DYM: variants seen among roughly 807,000 people sequenced by gnomAD.
DYM encodes the protein dyggve-Melchior-Clausen syndrome protein.
Under a neutral mutation model 93.1 loss-of-function variants are expected in DYM, and 78 were observed. The ratio of observed to expected loss-of-function variants is 0.84; its 90% CI spans 0.70 to 1.01. The LOEUF is 1.01. Among genes scored for constraint, DYM ranks in the 50% least tolerant of loss-of-function variants. The pLI is 0.00. For synonymous variants in DYM, 321 were observed against 319.7 expected, an observed-to-expected ratio of 1.00 and a Z score of -0.04; for missense variants, 789 against 845.0, an observed-to-expected ratio of 0.93 and a Z score of 0.82.
chr18:49,141,498 T>C (rs1201014793), intron 15 of DYM, among the ~76,000 whole-genome samples: 1 of 152,200 alleles, frequency 6.6e-6, no homozygotes, highest in African/African-American at 2.4e-5. Context: ...CAAACTATAC[T>C]GGCCTGCTAA....
chr18:49,328,227 G>T (rs191276659), intron 8 of DYM, among the ~76,000 whole-genome samples: 1 of 152,184 alleles, frequency 6.6e-6, no homozygotes, highest in Non-Finnish European at 1.5e-5. Context: ...CCAACACAGG[G>T]AGAATGATGC....
At chr18:49,245,128 T>C (rs928968693) in intron 13 of DYM, among the ~76,000 whole-genome samples, 2 of 152,256 alleles carry the variant, frequency 1.3e-5, no homozygotes, top group African/African-American at 4.8e-5. Flanking sequence ...ACTTTTATAA[T>C]TTCTTATGCC....
intron 3 of DYM, among the ~76,000 whole-genome samples, chr18:49,390,329 C>G (rs891934461): frequency 6.6e-5 from 10 of 151,918 alleles, no homozygotes; most frequent in South Asian, 2.1e-4. Context: ...TCTGAGGAGG[C>G]TGAGGTGGAA....
rs530781129 is a variant in DYM, at chr18:49,080,670, C to T, written c.2025+16732G>A. On this transcript the variant is annotated intron_variant, in intron 17 of 17. Transcript: ENST00000675505. ...CCCCCCACCTCCCTCCCGGACGGGG[C>T]GGCTGCCGGGCAGAGACGCTCCTCA... is the stretch of plus-strand genomic sequence containing the variant. Among the ~76,000 whole-genome samples the T allele has an allele frequency of 4.1e-4, 58 of 140,128 alleles. No individual in the cohort carries two copies. In the East Asian group the frequency reaches 9.9e-3, roughly 24 times the overall value. 91.9% of individuals were successfully genotyped at this position (140,128 alleles called of 152,430 possible).
intron 15 of DYM, among the ~76,000 whole-genome samples, chr18:49,141,448 C>A (rs763696419): frequency 6.6e-6 from 1 of 152,140 alleles, no homozygotes; most frequent in Non-Finnish European, 1.5e-5. Flanking sequence ...CCTATTCCTT[C>A]ATACTCATTT....
chr18:49,302,905 T>C (rs1288618109), intron 8 of DYM, among the ~76,000 whole-genome samples: 1 of 152,194 alleles, frequency 6.6e-6, no homozygotes, highest in Non-Finnish European at 1.5e-5. Context: ...CTGAAAATAA[T>C]ACAAGTTTAG....
rs747673710 is a variant in DYM at position 49,391,586 on chromosome 18, C to T, written c.193+7G>A. 1 of 1,613,276 alleles carries T rather than the reference C, an allele frequency of 6.2e-7. No homozygotes were observed. Among genetic ancestry groups the T allele is most frequent in the African/African-American group, 1.3e-5 (1 of 74,996 alleles). On this transcript the variant is annotated splice_region_variant and intron_variant, in intron 3 of 17. Coordinates refer to ENST00000675505, the MANE Select transcript of DYM (RefSeq NM_001353214.3). ...AACAACACCCCACACACATTTTTCC[C>T]ACTTACCTAATGACCTGCAGACTGA...
At chr18:49,308,514 C>T (rs747663453) in intron 8 of DYM, among the ~76,000 whole-genome samples, 2 of 152,174 alleles carry the variant, frequency 1.3e-5, no homozygotes, top group African/African-American at 2.4e-5. Flanking sequence ...CTACCGTCTA[C>T]TAGTTGTGCA....
rs1344833946 is a variant in DYM at position 49,042,529 on chromosome 18, C to T, written c.*1526G>A. ...AGCTTGGGGTGACTGAGAATGGTTC[C>T]TCCGAGGCCCTCGGAAGATTTGATG... On this transcript the variant is annotated 3_prime_UTR_variant, in exon 18 of 18. Coordinates refer to ENST00000675505, the MANE Select transcript of DYM (RefSeq NM_001353214.3). 6.6e-6 allele frequency: 1 copy of T among 152,294 alleles called. No individual in the cohort carries two copies. Among genetic ancestry groups the T allele is most frequent in the Admixed American group, 6.5e-5 (1 of 15,286 alleles). 9.4% of individuals were successfully genotyped at this position (152,294 alleles called of 1,614,324 possible).
Position 49,042,098 on chromosome 18 carries a change from C to G in DYM, c.*1957G>C, listed in dbSNP as rs747910631. On this transcript the variant is annotated 3_prime_UTR_variant, in exon 18 of 18. Transcript: ENST00000675505. ...TTGCTACCTGAAATGATAATCATCA[C>G]TCCCCCTGCTGGCTGAGAGCGCTTC... 2.4e-4 allele frequency: 36 copies of G among 152,562 alleles called. No homozygotes were observed. Among genetic ancestry groups the G allele is most frequent in the Non-Finnish European group, 4.4e-4 (30 of 68,064 alleles). 9.5% of individuals were successfully genotyped at this position (152,562 alleles called of 1,614,324 possible). A position where few individuals can be genotyped will look rare whatever the true frequency, so the allele number is the denominator to read the frequency against.
intron 15 of DYM, among the ~76,000 whole-genome samples, chr18:49,153,801 C>T (rs935302002): frequency 6.6e-6 from 1 of 152,124 alleles, no homozygotes; most frequent in Non-Finnish European, 1.5e-5. Context: ...GTGATATATG[C>T]TGCAGGCAAG....
chr18:49,156,767 AG>A (rs2086502592), intron 15 of DYM, among the ~76,000 whole-genome samples: 1 of 150,476 alleles, frequency 6.6e-6, no homozygotes, highest in African/African-American at 2.4e-5. Flanking sequence ...TGTGGAAGAC[AG>A]CATTTCTACC....
Position 49,286,581 on chromosome 18 carries a change from C to G in DYM, c.799G>C (p.Gly267Arg). 1 of 1,614,008 alleles carries G rather than the reference C, an allele frequency of 6.2e-7. No individual in the cohort carries two copies. Among genetic ancestry groups the G allele is most frequent in the Non-Finnish European group, 8.5e-7 (1 of 1,179,980 alleles). ...LWTVFTLGGV[G>R]SKAAASPELS... ...TCTGGAGAGGCAGCCGCTTTGCTGC[C>G]CACACCACCTAGTGTGAAGACAGTC... The change falls in exon 9 of 18, where the codon GGC (glycine) becomes CGC (arginine). Residue 267 changes from glycine to arginine, a missense_variant. By Grantham distance (125) the Gly-to-Arg change is moderately radical (BLOSUM62 -2). Transcript: ENST00000675505.
Position 49,040,448 on chromosome 18 carries a change from T to G in DYM, c.*3607A>C, listed in dbSNP as rs1305298026. On this transcript the variant is annotated 3_prime_UTR_variant, in exon 18 of 18. Coordinates refer to ENST00000675505, the MANE Select transcript of DYM (RefSeq NM_001353214.3). Reference sequence around the variant, plus strand: ...ATGAGATTAAATTTTATGCTTTAATTCATACAAAATAAATATGCATTATTT... The same window carrying G: ...ATGAGATTAAATTTTATGCTTTAATGCATACAAAATAAATATGCATTATTT... Among the ~76,000 whole-genome samples, 1 of 152,222 alleles carries G rather than the reference T, an allele frequency of 6.6e-6. No homozygotes were observed. Among genetic ancestry groups the G allele is most frequent in the African/African-American group, 2.4e-5 (1 of 41,458 alleles).
intron 3 of DYM, among the ~76,000 whole-genome samples, chr18:49,383,543 A>T (rs2068256194): frequency 6.6e-6 from 1 of 152,246 alleles, no homozygotes; most frequent in African/African-American, 2.4e-5. Flanking sequence ...CTAAAATAAC[A>T]GCAGATTCAA....
chr18:49,106,919 G>A (rs1184964743), intron 16 of DYM, among the ~76,000 whole-genome samples: 60 of 152,182 alleles, frequency 3.9e-4, no homozygotes, highest in Non-Finnish European at 5.9e-4. Flanking sequence ...TCTTTGTGGC[G>A]TTCTCTGTAT....
chr18:49,441,835 T>C (rs1020866922), intron 1 of DYM, among the ~76,000 whole-genome samples: 25 of 152,160 alleles, frequency 1.6e-4, no homozygotes, highest in African/African-American at 5.5e-4. Context: ...GACTAAAGCC[T>C]GGGGGTCTCT....
At chr18:49,447,002 T>A (rs1027104588) in intron 1 of DYM, among the ~76,000 whole-genome samples, 2 of 147,822 alleles carry the variant, frequency 1.4e-5, no homozygotes, top group African/African-American at 5.0e-5. Context: ...GAGGCTGCAG[T>A]GAGCTGAGAT....
At position 49,439,602 on chromosome 18, in the gene DYM, C is replaced by T. The variant is rs1257259184; in HGVS notation, c.-53-9155G>A. Reference sequence around the variant, plus strand: ...ACTTGCTGAAATAGCCAAGGTCTCACAGCTAATAAATATATGAAAAGATCT... The same window carrying T: ...ACTTGCTGAAATAGCCAAGGTCTCATAGCTAATAAATATATGAAAAGATCT... On this transcript the variant is annotated intron_variant, in intron 1 of 17. Transcript: ENST00000675505. Among the ~76,000 whole-genome samples, 7 of 152,170 alleles carry T rather than the reference C, an allele frequency of 4.6e-5. 1 individual carries two copies. The highest frequency in any genetic ancestry group is 1.0e-4 in the Non-Finnish European group (7 of 68,038).
Sources: allele counts gnomAD v4.1 joint callset (sites outside exome capture counted in the v4.1 genomes callset), GRCh38; gene constraint gnomAD v4.1.1; transcripts MANE v1.5; gene names NCBI Gene and HGNC (gene_info 2026-07-23, HGNC 2026-07-21).